Variants in SLC44A5 observed in about 807,000 individuals in gnomAD.
SLC44A5 encodes choline transporter-like protein 5.
In SLC44A5, 57 loss-of-function variants were observed where a neutral mutation model predicts 101.8. That is an observed-to-expected ratio of 0.56 (90% confidence interval 0.45 to 0.70). SLC44A5 has a LOEUF of 0.70. Among genes scored for constraint, SLC44A5 ranks in the 30% least tolerant of loss-of-function variants. The probability of loss-of-function intolerance (pLI) is 0.00; values close to 1 mark genes in which losing one functional copy is unlikely to be tolerated. For missense variants in SLC44A5, 737 were observed against 853.1 expected, an observed-to-expected ratio of 0.86 and a Z score of 1.70; for synonymous variants, 281 against 290.9, an observed-to-expected ratio of 0.97 and a Z score of 0.35.
the SLC44A5 span, among the ~76,000 whole-genome samples, chr1:75,717,130 AC>A: frequency 6.6e-6 from 1 of 152,156 alleles, no homozygotes. Flanking sequence ...ATTTGCAGCA[AC>A]ACAGATGGCA....
chr1:75,471,948 T>G (rs1333661815), intron 2 of SLC44A5, among the ~76,000 whole-genome samples: 1 of 151,222 alleles, frequency 6.6e-6, no homozygotes, highest in Non-Finnish European at 1.5e-5. Context: ...CATAATCTGT[T>G]TTGTGGCAAG....
intron 5 of SLC44A5, among the ~76,000 whole-genome samples, chr1:75,288,246 A>G (rs1026818146): frequency 2.6e-5 from 4 of 152,126 alleles, no homozygotes; most frequent in Admixed American, 6.5e-5. Flanking sequence ...GGATTTTGGT[A>G]TTTTTCAGTC....
Position 75,519,571 on chromosome 1 carries a change from T to A in SLC44A5, c.13+21864A>T, listed in dbSNP as rs565580223. Among the ~76,000 whole-genome samples, 813 of 151,586 alleles carry A rather than the reference T, an allele frequency of 5.4e-3. 2 individuals are homozygous for A. The highest frequency in any genetic ancestry group is 0.019 in the African/African-American group (776 of 41,248). On this transcript the variant is annotated intron_variant, in intron 2 of 23. Transcript: ENST00000370859. Reference sequence around the variant, plus strand: ...AGACTCCGTCTCAAAAAAAAAAAAATTATTATTTGCATCATGCACACACAT... The same window carrying A: ...AGACTCCGTCTCAAAAAAAAAAAAAATATTATTTGCATCATGCACACACAT...
At chr1:75,297,677 T>G (rs1170752315) in intron 5 of SLC44A5, among the ~76,000 whole-genome samples, 1 of 152,226 alleles carries the variant, frequency 6.6e-6, no homozygotes, top group African/African-American at 2.4e-5. Context: ...ATTTGCATAA[T>G]AAATATTCCT....
chr1:75,249,056 AT>A (rs563335372), intron 7 of SLC44A5, among the ~76,000 whole-genome samples: 9 of 152,100 alleles, frequency 5.9e-5, no homozygotes, highest in Non-Finnish European at 1.2e-4. Flanking sequence ...AGAAATTGAG[AT>A]TACAAAGGGT....
chr1:75,716,036 C>T, the SLC44A5 span, among the ~76,000 whole-genome samples: 434 of 152,174 alleles, frequency 2.9e-3, 4 homozygotes, highest in African/African-American at 0.01. Context: ...AAGAGAGACA[C>T]GTGGCCAACA....
At chr1:75,584,561 T>C (rs887192377) in intron 1 of SLC44A5, among the ~76,000 whole-genome samples, 1 of 152,132 alleles carries the variant, frequency 6.6e-6, no homozygotes, top group African/African-American at 2.4e-5. Flanking sequence ...TGTTTGCTTT[T>C]GGGGGTTTTG....
At chr1:75,620,876 G>T in the SLC44A5 span, among the ~76,000 whole-genome samples, 134 of 152,112 alleles carry the variant, frequency 8.8e-4, no homozygotes, top group African/African-American at 3.1e-3. Context: ...TGCCACCATT[G>T]TTTTTGATGT....
intron 3 of SLC44A5, among the ~76,000 whole-genome samples, chr1:75,367,861 A>AT (rs879322304): frequency 1.6e-4 from 25 of 152,230 alleles, no homozygotes; most frequent in Non-Finnish European, 3.2e-4. Context: ...CCACAAAGGC[A>AT]TTTTTTTCCC....
At chr1:75,537,468 T>C (rs1444063389) in intron 2 of SLC44A5, among the ~76,000 whole-genome samples, 4 of 152,320 alleles carry the variant, frequency 2.6e-5, no homozygotes, top group East Asian at 3.9e-4. Context: ...TGCAAATATA[T>C]CATTCTGTTC....
the SLC44A5 span, among the ~76,000 whole-genome samples, chr1:75,619,105 G>GAAGT: frequency 6.9e-6 from 1 of 145,618 alleles, no homozygotes; most frequent in African/African-American, 2.6e-5. Flanking sequence ...AAGAAGGAAG[G>GAAGT]AAGGAAGAAG....
intron 5 of SLC44A5, among the ~76,000 whole-genome samples, chr1:75,290,827 G>A (rs1653480266): frequency 6.6e-6 from 1 of 152,170 alleles, no homozygotes. Context: ...GATATATACA[G>A]CAAGACATTC....
At chr1:75,708,710 T>A in the SLC44A5 span, among the ~76,000 whole-genome samples, 1 of 152,014 alleles carries the variant, frequency 6.6e-6, no homozygotes, top group Non-Finnish European at 1.5e-5. Flanking sequence ...AAGGCAAATA[T>A]AAAATTATAC....
chr1:75,616,793 G>T, the SLC44A5 span, among the ~76,000 whole-genome samples: 1 of 152,214 alleles, frequency 6.6e-6, no homozygotes, highest in Admixed American at 6.5e-5. Flanking sequence ...TGGCCCTGAA[G>T]TTCTTAATAG....
chr1:75,422,158 G>A (rs2101563652), intron 2 of SLC44A5, among the ~76,000 whole-genome samples: 1 of 152,258 alleles, frequency 6.6e-6, no homozygotes, highest in South Asian at 2.1e-4. Context: ...AATGCCCTTT[G>A]AAAAAGGCAC....
chr1:75,588,263 G>T (rs1486664916), intron 1 of SLC44A5, among the ~76,000 whole-genome samples: 2 of 147,676 alleles, frequency 1.4e-5, no homozygotes, highest in African/African-American at 5.0e-5. Flanking sequence ...AGGGAAGGAG[G>T]GGGGAGGAAG....
At chr1:75,372,031 T>C (rs1660259194) in intron 3 of SLC44A5, among the ~76,000 whole-genome samples, 1 of 152,082 alleles carries the variant, frequency 6.6e-6, no homozygotes, top group South Asian at 2.1e-4. Context: ...ACCCCGTCCC[T>C]ACTAAAAATA....
rs17096919 is a variant in SLC44A5, at chr1:75,447,647, T to C, written c.14-51026A>G. Among the ~76,000 whole-genome samples the C allele has an allele frequency of 8.8e-3, 1,337 of 152,218 alleles. 20 individuals are homozygous for C. The highest frequency in any genetic ancestry group is 0.031 in the African/African-American group (1,276 of 41,548). On this transcript the variant is annotated intron_variant, in intron 2 of 23. Coordinates refer to ENST00000370859, the MANE Select transcript of SLC44A5 (RefSeq NM_001130058.2). ...TGTAAACCCTTCTTAAAATTGAAAG[T>C]GATGATTTCTAGAGGCTCTCATAGG...
chr1:75,490,172 C>T (rs1337638232), intron 2 of SLC44A5, among the ~76,000 whole-genome samples: 1 of 152,022 alleles, frequency 6.6e-6, no homozygotes, highest in Admixed American at 6.6e-5. Context: ...CCTATAATAG[C>T]TCTGATGTTC....
Sources: gnomAD v4.1 joint callset for allele counts (sites outside exome capture counted in the v4.1 genomes callset) on GRCh38, gnomAD v4.1.1 for gene constraint, MANE v1.5 for transcripts, NCBI Gene and HGNC (gene_info 2026-07-23, HGNC 2026-07-21) for gene names.